GABRA3: variants seen among roughly 807,000 people sequenced by gnomAD.
GABRA3 encodes the protein gamma-aminobutyric acid receptor subunit alpha-3.
Under a neutral mutation model 30.1 loss-of-function variants are expected in GABRA3, and 10 were observed. The observed-to-expected ratio is 0.33, with a 90% confidence interval of 0.20 to 0.56. The LOEUF (loss-of-function observed/expected upper bound fraction) is 0.56. GABRA3 is among the 20% of genes least tolerant of loss of function. The probability of loss-of-function intolerance (pLI) is 0.89; values close to 1 mark genes in which losing one functional copy is unlikely to be tolerated. For synonymous variants in GABRA3, 151 were observed against 146.8 expected (o/e 1.03, Z -0.21); for missense variants, 233 against 392.0 (o/e 0.59, Z 3.42).
intron 5 of GABRA3, among the ~76,000 whole-genome samples, chrX:152,235,734 T>C (rs1938189058): frequency 9.0e-6 from 1 of 111,496 alleles, no homozygotes; most frequent in African/African-American, 3.3e-5. Flanking sequence ...GAAAATCATC[T>C]TGTGTTCATG....
intron 1 of GABRA3, among the ~76,000 whole-genome samples, chrX:152,431,390 G>C (rs1930648197): frequency 8.9e-6 from 1 of 112,345 alleles, no homozygotes; most frequent in African/African-American, 3.2e-5. Flanking sequence ...GTCAACACTG[G>C]AAGAGAGTTT....
At chrX:152,348,129 A>T (rs1358178315) in intron 2 of GABRA3, among the ~76,000 whole-genome samples, 2 of 111,469 alleles carry the variant, frequency 1.8e-5, no homozygotes, top group African/African-American at 6.5e-5. Context: ...TTGTGTGGGG[A>T]AGCAGATTTA....
intron 3 of GABRA3, among the ~76,000 whole-genome samples, chrX:152,297,501 C>T (rs1456217002): frequency 8.9e-6 from 1 of 111,778 alleles, no homozygotes; most frequent in African/African-American, 3.2e-5. Context: ...CCTCCAAACT[C>T]TCCTTTTGCT....
intron 3 of GABRA3, among the ~76,000 whole-genome samples, chrX:152,321,599 G>T (rs769704927): frequency 9.0e-6 from 1 of 111,389 alleles, no homozygotes; most frequent in African/African-American, 3.3e-5. Flanking sequence ...TTTGGAGATT[G>T]ATTTTAGGCA....
At chrX:152,262,546 C>G (rs1938749232) in intron 4 of GABRA3, among the ~76,000 whole-genome samples, 1 of 111,956 alleles carries the variant, frequency 8.9e-6, no homozygotes, top group African/African-American at 3.2e-5. Context: ...TAACAAAAGT[C>G]ATCTTTGCTC....
intron 3 of GABRA3, among the ~76,000 whole-genome samples, chrX:152,294,921 G>A (rs768970730): frequency 5.0e-4 from 54 of 108,878 alleles, no homozygotes; most frequent in African/African-American, 1.8e-3. Context: ...CAGGTCTGTT[G>A]GAGTTTGCTC....
At chrX:152,383,610 A>T (rs1288193503) in intron 1 of GABRA3, among the ~76,000 whole-genome samples, 1 of 108,604 alleles carries the variant, frequency 9.2e-6, no homozygotes, top group Non-Finnish European at 1.9e-5. Flanking sequence ...ACTCCATATT[A>T]AGAAAGCAAA....
chrX:152,271,885 C>A (rs1354361533), intron 4 of GABRA3, among the ~76,000 whole-genome samples: 1 of 112,021 alleles, frequency 8.9e-6, no homozygotes, highest in Non-Finnish European at 1.9e-5. Context: ...CAAGCCTTGG[C>A]AGTTTCCATG....
chrX:152,233,641 T>C (rs1412670734), intron 5 of GABRA3, among the ~76,000 whole-genome samples: 1 of 108,857 alleles, frequency 9.2e-6, no homozygotes, highest in Non-Finnish European at 1.9e-5. Flanking sequence ...GGTGTGGCGA[T>C]TCCTCAGGGA....
intron 1 of GABRA3, among the ~76,000 whole-genome samples, chrX:152,425,079 C>A (rs1359604700): frequency 9.5e-6 from 1 of 105,423 alleles, no homozygotes; most frequent in Non-Finnish European, 1.9e-5. Flanking sequence ...GCTGAGGCTA[C>A]AATATGCTCC....
At chrX:152,257,342 A>G (rs747502312) in intron 4 of GABRA3, among the ~76,000 whole-genome samples, 36 of 112,107 alleles carry the variant, frequency 3.2e-4, no homozygotes, top group Non-Finnish European at 5.5e-4. Context: ...ATCTGCCCAA[A>G]TATTTGACCA....
rs184471140 is a variant in GABRA3 at position 152,341,541 on chromosome X, T to C, written c.262+4040A>G. 4.0e-3 allele frequency among the ~76,000 whole-genome samples: 410 copies of C among 102,511 alleles called. 5 individuals are homozygous for C. The highest frequency in any genetic ancestry group is 0.014 in the African/African-American group (387 of 26,965). The allele number at this position is 102,511 out of a possible 115,157, so 89.0% of individuals were successfully genotyped here. ...TTCACCATATCCATAACAACATCTA[T>C]TGACTTTTTTTTTTTTTTTTTTTGA... is the stretch of plus-strand genomic sequence containing the variant. On this transcript the variant is annotated intron_variant, in intron 3 of 9. Transcript: ENST00000370314.
intron 1 of GABRA3, among the ~76,000 whole-genome samples, chrX:152,375,331 C>T (rs1018270276): frequency 1.8e-5 from 2 of 112,093 alleles, no homozygotes; most frequent in Admixed American, 1.9e-4. Flanking sequence ...ATTTGATCTG[C>T]ACAATCTCTA....
chrX:152,241,360 G>T (rs1420416509), intron 5 of GABRA3, among the ~76,000 whole-genome samples: 6 of 94,043 alleles, frequency 6.4e-5, no homozygotes, highest in South Asian at 4.4e-4. Context: ...CAGTCTGCCG[G>T]TTCTCAGATC....
At position 152,167,856 on chromosome X, in the gene GABRA3, T is replaced by G; in HGVS notation, c.*372A>C. On this transcript the variant is annotated 3_prime_UTR_variant, in exon 10 of 10. Transcript: ENST00000370314. ...CTAGATGGGAGTCAACAATTCTCCT[T>G]GTTCTGGGCCTCTCAAACAGCCAAG... 1 of 180,311 alleles carries G rather than the reference T, an allele frequency of 5.5e-6. No homozygotes were observed. Among genetic ancestry groups the G allele is most frequent in the Non-Finnish European group, 1.0e-5 (1 of 96,850 alleles). The allele number at this position is 180,311 out of a possible 1,213,427, so 14.9% of individuals were successfully genotyped here.
intron 7 of GABRA3, among the ~76,000 whole-genome samples, chrX:152,202,602 A>G (rs1937498596): frequency 9.0e-6 from 1 of 111,033 alleles, no homozygotes; most frequent in African/African-American, 3.3e-5. Flanking sequence ...AAAAAGAATA[A>G]TAAATATAGA....
intron 6 of GABRA3, among the ~76,000 whole-genome samples, chrX:152,211,316 C>T (rs1176383572): frequency 9.2e-6 from 1 of 108,640 alleles, no homozygotes; most frequent in Non-Finnish European, 1.9e-5. Context: ...CCTGAAAATC[C>T]AAGCAGACCC....
intron 1 of GABRA3, among the ~76,000 whole-genome samples, chrX:152,382,087 A>T (rs1231313210): frequency 8.9e-6 from 1 of 112,149 alleles, no homozygotes; most frequent in African/African-American, 3.2e-5. Context: ...TACAAGAAAA[A>T]AACAAATAAC....
intron 5 of GABRA3, among the ~76,000 whole-genome samples, chrX:152,234,898 G>A (rs1938167133): frequency 9.0e-6 from 1 of 111,631 alleles, no homozygotes; most frequent in Non-Finnish European, 1.9e-5. Flanking sequence ...TTGAAACCAG[G>A]TAATGTGATG....
Sources: allele counts gnomAD v4.1 joint callset (sites outside exome capture counted in the v4.1 genomes callset), GRCh38; gene constraint gnomAD v4.1.1; transcripts MANE v1.5; gene names NCBI Gene and HGNC (gene_info 2026-07-23, HGNC 2026-07-21).